LRP1B: variants seen among roughly 807,000 people sequenced by gnomAD.
The protein encoded by LRP1B is low-density lipoprotein receptor-related protein 1B.
A neutral mutation model predicts 556.6 loss-of-function variants in LRP1B; 217 were observed. That is an observed-to-expected ratio of 0.39 (90% confidence interval 0.35 to 0.44). The LOEUF (loss-of-function observed/expected upper bound fraction) is 0.44, where lower values mean the gene tolerates loss of function less well. Among genes scored for constraint, LRP1B ranks in the 20% least tolerant of loss-of-function variants. LRP1B has a pLI of 1.00. For synonymous variants in LRP1B, 2,047 were observed against 1,865.8 expected (o/e 1.10, Z -2.50); for missense variants, 5,053 against 5,620.8 (o/e 0.90, Z 3.23).
intron 3 of LRP1B, among the ~76,000 whole-genome samples, chr2:141,365,698 G>A (rs1459854640): frequency 1.0e-5 from 1 of 98,978 alleles, no homozygotes; most frequent in Non-Finnish European, 2.0e-5. Flanking sequence ...TGTTGCCCGG[G>A]CTGGAGTGCA....
chr2:141,582,291 A>T (rs1477239449), intron 2 of LRP1B, among the ~76,000 whole-genome samples: 1 of 152,248 alleles, frequency 6.6e-6, no homozygotes, highest in African/African-American at 2.4e-5. Flanking sequence ...AAGCTGTATC[A>T]TTCAAGAATT....
At chr2:141,425,748 C>A (rs1476019557) in intron 3 of LRP1B, among the ~76,000 whole-genome samples, 2 of 152,006 alleles carry the variant, frequency 1.3e-5, no homozygotes, top group East Asian at 1.9e-4. Flanking sequence ...ATTTCCTTTG[C>A]CCACTTTTTG....
At chr2:141,963,357 T>C (rs1182538071) in intron 1 of LRP1B, among the ~76,000 whole-genome samples, 4 of 151,900 alleles carry the variant, frequency 2.6e-5, no homozygotes, top group Non-Finnish European at 5.9e-5. Context: ...CTGTTTGTGC[T>C]ATTTTGAACA....
intron 2 of LRP1B, among the ~76,000 whole-genome samples, chr2:141,693,438 C>T (rs934918325): frequency 1.3e-5 from 2 of 151,832 alleles, no homozygotes; most frequent in African/African-American, 2.4e-5. Context: ...TAATGTTATG[C>T]ATTATAAAAT....
intron 66 of LRP1B, among the ~76,000 whole-genome samples, chr2:140,408,438 A>C (rs1441195621): frequency 6.6e-6 from 1 of 152,006 alleles, no homozygotes; most frequent in Non-Finnish European, 1.5e-5. Context: ...GAAACAGACA[A>C]ATTTCTGACT....
At chr2:140,345,346 T>C (rs1199365485) in intron 77 of LRP1B, among the ~76,000 whole-genome samples, 1 of 151,712 alleles carries the variant, frequency 6.6e-6, no homozygotes, top group Non-Finnish European at 1.5e-5. Context: ...CTTGATTTCT[T>C]AGAAGTACAC....
rs142553971 is a variant in LRP1B, at chr2:140,857,948, A to G, written c.4580-6165T>C. ...ACTTGTTACATGCTTTGAAAGAAAAAAAAACATATCAGGGAAGTTTCTATT... is the reference window on the plus strand; with the variant it reads ...ACTTGTTACATGCTTTGAAAGAAAAGAAAACATATCAGGGAAGTTTCTATT... On this transcript the variant is annotated intron_variant, in intron 27 of 90. Transcript: ENST00000389484. Among the ~76,000 whole-genome samples, 362 of 152,282 alleles carry G rather than the reference A, an allele frequency of 2.4e-3. 2 individuals carry two copies. Among genetic ancestry groups the G allele is most frequent in the African/African-American group, 8.5e-3 (353 of 41,564 alleles).
At chr2:141,850,831 T>G (rs1249262597) in intron 1 of LRP1B, among the ~76,000 whole-genome samples, 1 of 151,720 alleles carries the variant, frequency 6.6e-6, no homozygotes, top group Non-Finnish European at 1.5e-5. Flanking sequence ...CAGTTATTCT[T>G]ATTTGATGAG....
chr2:141,964,051 C>A (rs1406856787), intron 1 of LRP1B, among the ~76,000 whole-genome samples: 3 of 121,560 alleles, frequency 2.5e-5, no homozygotes, highest in African/African-American at 3.2e-5. Context: ...TGTGAAGGAC[C>A]TCTTCAAGGA....
intron 3 of LRP1B, among the ~76,000 whole-genome samples, chr2:141,325,084 A>G (rs925503916): frequency 6.6e-6 from 1 of 152,110 alleles, no homozygotes; most frequent in Non-Finnish European, 1.5e-5. Context: ...ACTGTTGAAA[A>G]AGAAATCATG....
At chr2:142,080,734 G>A (rs1705681405) in intron 1 of LRP1B, among the ~76,000 whole-genome samples, 1 of 152,046 alleles carries the variant, frequency 6.6e-6, no homozygotes, top group Non-Finnish European at 1.5e-5. Context: ...TTTTTGGTGG[G>A]AGATTGACTC....
rs267598908 is a variant in LRP1B at position 141,049,128 on chromosome 2, C to T, written c.1647G>A (p.Met549Ile). ...GGTTTACCAGATTTTCTATGGGGAT[C>T]ATGTATTCATCAGCTATCTTGGTAT... The part of the protein sequence containing the change: ...DLNTKIADEY[M>I]IPIENLVNPR... Residue 549 changes from methionine (M) to isoleucine (I), a missense_variant, in exon 11 of 91, where the codon ATG (methionine) becomes ATA (isoleucine). Transcript: ENST00000389484. 1 of 1,613,538 alleles carries T rather than the reference C, an allele frequency of 6.2e-7. No homozygotes were observed. Among genetic ancestry groups the T allele is most frequent in the East Asian group, 2.2e-5 (1 of 44,820 alleles).
chr2:140,526,449 G>T, intron 47 of LRP1B, 99 bp from the exon 48 acceptor site: 1 of 879,604 alleles, frequency 1.1e-6, no homozygotes, highest in Non-Finnish European at 1.7e-6. Context: ...ATTTTGTTTG[G>T]TTTTGCTTTC....
chr2:140,516,673 G>T (rs1427346298), intron 50 of LRP1B, among the ~76,000 whole-genome samples: 1 of 151,912 alleles, frequency 6.6e-6, no homozygotes, highest in African/African-American at 2.4e-5. Flanking sequence ...CAAAAACAGA[G>T]GTTAAAAGAA....
intron 1 of LRP1B, among the ~76,000 whole-genome samples, chr2:142,129,947 C>T (rs1315438160): frequency 6.6e-6 from 1 of 152,092 alleles, no homozygotes; most frequent in Non-Finnish European, 1.5e-5. Context: ...TCACCAGCTG[C>T]TTGGAGAAAA....
At chr2:141,811,286 T>C (rs144975843) in intron 1 of LRP1B, among the ~76,000 whole-genome samples, 2 of 152,188 alleles carry the variant, frequency 1.3e-5, no homozygotes, top group Admixed American at 1.3e-4. Context: ...ATTTCACTGG[T>C]AATTTTGTTG....
chr2:141,727,962 G>C (rs549934106), intron 2 of LRP1B, among the ~76,000 whole-genome samples: 1 of 151,994 alleles, frequency 6.6e-6, no homozygotes, highest in Non-Finnish European at 1.5e-5. Context: ...TTTGGTAAGC[G>C]CTTTCTTATT....
rs77030384 is a variant in LRP1B, at chr2:140,602,241, C to T, written c.6800-602G>A. On this transcript the variant is annotated intron_variant, in intron 41 of 90. Transcript: ENST00000389484. ...AAGCAAGAGAAAAAGAAATTAATTG[C>T]CAGCTAAAGCATGCTTTAAATGTCA... Among the ~76,000 whole-genome samples the T allele has an allele frequency of 5.3e-3, 811 of 151,712 alleles. 3 individuals carry two copies. Among genetic ancestry groups the T allele is most frequent in the African/African-American group, 0.019 (778 of 41,394 alleles).
intron 1 of LRP1B, among the ~76,000 whole-genome samples, chr2:142,097,175 C>T (rs554030292): frequency 6.6e-6 from 1 of 151,610 alleles, no homozygotes; most frequent in Non-Finnish European, 1.5e-5. Flanking sequence ...AGGGATGATT[C>T]TTTATGCATA....
Sources: allele counts gnomAD v4.1 joint callset (sites outside exome capture counted in the v4.1 genomes callset), GRCh38; gene constraint gnomAD v4.1.1; transcripts MANE v1.5; gene names NCBI Gene and HGNC (gene_info 2026-07-23, HGNC 2026-07-21).